Variants in WWOX observed in about 807,000 individuals in gnomAD.
WWOX encodes the protein WW domain-containing oxidoreductase.
A neutral mutation model predicts 46.2 loss-of-function variants in WWOX; 69 were observed. The observed-to-expected ratio is 1.49, with a 90% CI of 1.23 to 1.82. WWOX has a LOEUF of 1.82. WWOX is among the 40% of genes most tolerant of loss of function. The pLI is 0.00. For synonymous variants in WWOX, 359 were observed against 202.6 expected (o/e 1.77, Z -6.56); for missense variants, 919 against 542.6 (o/e 1.69, Z -6.89).
rs549611040 is a variant in WWOX at position 78,634,557 on chromosome 16, T to A, written c.1056+201805T>A. On this transcript the variant is annotated intron_variant, in intron 8 of 8. Transcript: ENST00000566780. The stretch of plus-strand genomic sequence containing the variant: ...CCCGTCTCTACTAAAAATACAAAAA[T>A]TAGCTGGGCATGGTGGCGGGCGCCT... Among the ~76,000 whole-genome samples the A allele has an allele frequency of 5.3e-5, 8 of 151,838 alleles. No individual in the cohort carries two copies. In the South Asian group the frequency reaches 1.7e-3, roughly 32 times the overall value.
chr16:78,574,737 A>G (rs1302061713), intron 8 of WWOX, among the ~76,000 whole-genome samples: 4 of 151,702 alleles, frequency 2.6e-5, no homozygotes, highest in Middle Eastern at 3.4e-3. Context: ...ACAATGTGGA[A>G]TCTGAAAAAA....
chr16:78,566,378 G>A lies in WWOX; in HGVS notation c.1056+133626G>A, dbSNP rs369424000. Among the ~76,000 whole-genome samples the A allele has an allele frequency of 1.1e-4, 17 of 152,304 alleles. No homozygotes were observed. The East Asian group carries it at 2.3e-3, about 21-fold the overall frequency. On this transcript the variant is annotated intron_variant, in intron 8 of 8. Transcript: ENST00000566780. ...GATTCAGAAAATAGCAAGTATAGTA[G>A]TGGGAGAACATGGTATCAGAACCAG...
Position 78,424,871 on chromosome 16 carries a change from C to T in WWOX, c.607C>T (p.Pro203Ser). Residue 203 changes from proline to serine, a missense_variant and splice_region_variant, in exon 7 of 9, where the codon CCT becomes TCT. Physicochemically the swap from Pro to Ser is moderately conservative, Grantham distance 74. Transcript: ENST00000566780. ...CACATGGGATATTTTATTTTTCAGG[C>T]CTCTTCATGTGCTTGTGTGCAACGC... ...FAEAFKAKNV[P>S]LHVLVCNAAT... 1 of 1,614,056 alleles carries T rather than the reference C, an allele frequency of 6.2e-7. No homozygotes were observed.
intron 5 of WWOX, among the ~76,000 whole-genome samples, chr16:78,370,770 C>CTTTT (rs1316611092): frequency 1.5e-5 from 1 of 66,206 alleles, no homozygotes; most frequent in Admixed American, 2.3e-4. Flanking sequence ...AAACTTTAAA[C>CTTTT]TTTTTTTCTT....
chr16:79,104,280 T>G (rs2150638991), intron 8 of WWOX, among the ~76,000 whole-genome samples: 1 of 152,318 alleles, frequency 6.6e-6, no homozygotes, highest in Non-Finnish European at 1.5e-5. Context: ...ATTAATAATG[T>G]TTTGGTAAAA....
At chr16:78,157,570 TATTTCAGCATCTG>T (rs992942327) in intron 4 of WWOX, among the ~76,000 whole-genome samples, 1 of 152,236 alleles carries the variant, frequency 6.6e-6, no homozygotes, top group Non-Finnish European at 1.5e-5. Context: ...CTTTGTGCAT[TATTTCAGCATCTG>T]ATTTAAGTAT....
At chr16:78,567,659 G>A (rs1458399728) in intron 8 of WWOX, among the ~76,000 whole-genome samples, 1 of 151,636 alleles carries the variant, frequency 6.6e-6, no homozygotes, top group Non-Finnish European at 1.5e-5. Context: ...CCTTTGCTGC[G>A]TAACTAGGGC....
intron 8 of WWOX, among the ~76,000 whole-genome samples, chr16:78,605,544 G>A (rs183289110): frequency 6.6e-6 from 1 of 151,944 alleles, no homozygotes; most frequent in Non-Finnish European, 1.5e-5. Flanking sequence ...CTGAAGAATG[G>A]AAAATATGCC....
chr16:78,878,948 T>G (rs1211651878), intron 8 of WWOX, among the ~76,000 whole-genome samples: 1 of 146,758 alleles, frequency 6.8e-6, no homozygotes, highest in East Asian at 2.0e-4. Context: ...ATGCCTATAG[T>G]CTTAGCTATT....
At chr16:78,908,234 G>A (rs2045017121) in intron 8 of WWOX, among the ~76,000 whole-genome samples, 1 of 152,046 alleles carries the variant, frequency 6.6e-6, no homozygotes, top group African/African-American at 2.4e-5. Flanking sequence ...AAGACAGGGG[G>A]ATTGCCATAA....
chr16:78,417,537 C>T (rs957532601), intron 6 of WWOX, among the ~76,000 whole-genome samples: 4 of 152,124 alleles, frequency 2.6e-5, no homozygotes, highest in African/African-American at 4.8e-5. Flanking sequence ...GTATTAATAG[C>T]CCTGGAAAAG....
At chr16:78,314,405 C>CA (rs56032982) in intron 5 of WWOX, among the ~76,000 whole-genome samples, 1,795 of 101,418 alleles carry the variant, frequency 0.018, 53 homozygotes, top group African/African-American at 0.054. Context: ...GACTCTGTCT[C>CA]AAAAAAAAAA....
chr16:78,363,319 G>T (rs2081453501), intron 5 of WWOX, among the ~76,000 whole-genome samples: 1 of 151,776 alleles, frequency 6.6e-6, no homozygotes, highest in Admixed American at 6.6e-5. Flanking sequence ...TGTCACCCAG[G>T]CTGCAGTGCA....
At chr16:78,358,765 A>G (rs1457706115) in intron 5 of WWOX, among the ~76,000 whole-genome samples, 1 of 151,842 alleles carries the variant, frequency 6.6e-6, no homozygotes, top group African/African-American at 2.4e-5. Context: ...TGAGGGAAAA[A>G]TTGTTCCTTG....
Position 79,041,502 on chromosome 16 carries a change from A to T in WWOX, c.1057-170106A>T, listed in dbSNP as rs573533246. ...GAACCTGGATGATGGAGCAGGGATC[A>T]TGCTCATTAAGTCCGCAGAACTCAT... On this transcript the variant is annotated intron_variant, in intron 8 of 8. Transcript: ENST00000566780. Among the ~76,000 whole-genome samples the T allele has an allele frequency of 1.1e-4, 16 of 152,298 alleles. No homozygotes were observed. The South Asian group carries it at 3.3e-3, about 32-fold the overall frequency.
At chr16:78,450,210 A>C (rs925356248) in intron 8 of WWOX, among the ~76,000 whole-genome samples, 1 of 152,206 alleles carries the variant, frequency 6.6e-6, no homozygotes, top group Non-Finnish European at 1.5e-5. Flanking sequence ...ATGCTTCTTC[A>C]CATGGCACCT....
chr16:78,623,181 A>G (rs945124555), intron 8 of WWOX, among the ~76,000 whole-genome samples: 1 of 151,858 alleles, frequency 6.6e-6, no homozygotes. Context: ...CCAGACTCCT[A>G]TCCTATGGAA....
Position 79,186,152 on chromosome 16 carries a change from C to T in WWOX, c.1057-25456C>T, listed in dbSNP as rs556038436. 2.0e-5 allele frequency among the ~76,000 whole-genome samples: 3 copies of T among 152,234 alleles called. No homozygotes were observed. The South Asian group carries it at 6.2e-4, about 32-fold the overall frequency. ...ATGTTCCTAAAGGATACATCCAGGA[C>T]TGTGCTGACTTATTTGGGGTGGCTG... On this transcript the variant is annotated intron_variant, in intron 8 of 8. Coordinates refer to ENST00000566780, the MANE Select transcript of WWOX (RefSeq NM_016373.4).
chr16:78,531,821 G>A (rs2043630341), intron 8 of WWOX, among the ~76,000 whole-genome samples: 1 of 152,088 alleles, frequency 6.6e-6, no homozygotes, highest in Admixed American at 6.6e-5. Context: ...TTGCACAACT[G>A]AACTCCAGCC....
Sources: gnomAD v4.1 joint callset for allele counts (sites outside exome capture counted in the v4.1 genomes callset) on GRCh38, gnomAD v4.1.1 for gene constraint, MANE v1.5 for transcripts, NCBI Gene and HGNC (gene_info 2026-07-23, HGNC 2026-07-21) for gene names.